CHUK: variants seen among roughly 807,000 people sequenced by gnomAD.
The protein encoded by CHUK is inhibitor of nuclear factor kappa-B kinase subunit alpha.
CHUK carries 35 observed loss-of-function variants against 104.8 expected under a neutral mutation model. The ratio of observed to expected loss-of-function variants is 0.33; its 90% CI spans 0.26 to 0.44. The LOEUF (loss-of-function observed/expected upper bound fraction) is 0.44, where lower values mean the gene tolerates loss of function less well. Among genes scored for constraint, CHUK ranks in the 20% least tolerant of loss-of-function variants. The probability of loss-of-function intolerance (pLI) is 1.00; values close to 1 mark genes in which losing one functional copy is unlikely to be tolerated. For synonymous variants in CHUK, 276 were observed against 291.9 expected (o/e 0.95, Z 0.56); for missense variants, 663 against 902.7 (o/e 0.73, Z 3.40).
At chr10:100,198,146 C>T (rs962717037) in intron 16 of CHUK, among the ~76,000 whole-genome samples, 6 of 152,230 alleles carry the variant, frequency 3.9e-5, no homozygotes, top group East Asian at 1.9e-4. Context: ...AATTATCTCA[C>T]GTATGCAAAT....
At chr10:100,191,038 T>A in intron 19 of CHUK, 70 bp from the exon 20 acceptor site, 1 of 931,912 alleles carries the variant, frequency 1.1e-6, no homozygotes, top group South Asian at 1.3e-5. Flanking sequence ...TACTTTCTAG[T>A]CTTCTAGGTT....
At chr10:100,212,130 G>A (rs1291488436) in intron 9 of CHUK, among the ~76,000 whole-genome samples, 3 of 152,108 alleles carry the variant, frequency 2.0e-5, no homozygotes, top group African/African-American at 7.2e-5. Flanking sequence ...TGATCCACCT[G>A]TCTCAACCTC....
intron 12 of CHUK, 21 bp downstream of exon 12, chr10:100,205,055 T>C (rs1238096882): frequency 6.2e-7 from 1 of 1,614,048 alleles, no homozygotes; most frequent in South Asian, 1.1e-5. Context: ...ATTGTGCTTA[T>C]AAACAACAGA....
At chr10:100,201,449 C>T (rs1845460238) in intron 14 of CHUK, among the ~76,000 whole-genome samples, 1 of 152,126 alleles carries the variant, frequency 6.6e-6, no homozygotes, top group Non-Finnish European at 1.5e-5. Flanking sequence ...CCCAGGTAAA[C>T]CAGGATGTGC....
At chr10:100,217,846 C>T in intron 9 of CHUK, 149 bp downstream of exon 9, 1 of 844,036 alleles carries the variant, frequency 1.2e-6, no homozygotes, top group Non-Finnish European at 1.9e-6. Flanking sequence ...CACTGCACTC[C>T]AGCCTAGGTG....
downstream of CHUK, chr10:100,187,114 C>G (rs1845047571): frequency 1.3e-5 from 2 of 152,362 alleles, no homozygotes; most frequent in African/African-American, 4.8e-5. Context: ...TGGTTCCTAA[C>G]AGGCCACTGT....
chr10:100,221,763 G>A (rs181789802), intron 4 of CHUK, among the ~76,000 whole-genome samples: 525 of 152,124 alleles, frequency 3.5e-3, no homozygotes, highest in Non-Finnish European at 5.4e-3. Flanking sequence ...TCAGCCTCCC[G>A]AGTAGCTGGG....
Position 100,229,511 on chromosome 10 carries a change from G to A in CHUK, c.22C>T (p.Arg8Trp). ...TCCCAGGGCCCGCCCGCGCCCGGCCGCAGCCCCGGGGGCCGCTCCATGGGG... is the reference window on the plus strand; with the variant it reads ...TCCCAGGGCCCGCCCGCGCCCGGCCACAGCCCCGGGGGCCGCTCCATGGGG... Reference protein sequence around the residue: MERPPGLRPGAGGPWEMR... With the variant: MERPPGLWPGAGGPWEMR... The change falls in exon 1 of 21, where the codon CGG becomes TGG. Residue 8 changes from arginine to tryptophan, a missense_variant. This residue lies in a region of CHUK where 44 missense variants were observed against 39.2 expected (regional missense o/e 1.12). Transcript: ENST00000370397. 1 of 1,558,198 alleles carries A rather than the reference G, an allele frequency of 6.4e-7. No individual in the cohort carries two copies. The highest frequency in any genetic ancestry group is 8.6e-7 in the Non-Finnish European group (1 of 1,156,542).
chr10:100,196,324 A>G, intron 16 of CHUK, among the ~76,000 whole-genome samples: 1 of 151,748 alleles, frequency 6.6e-6, no homozygotes, highest in East Asian at 1.9e-4. Context: ...TCAACAAAAA[A>G]TTAATATTAC....
intron 4 of CHUK, 85 bp from the exon 5 acceptor site, chr10:100,220,761 C>T (rs562086013): frequency 3.4e-5 from 28 of 814,694 alleles, no homozygotes; most frequent in Non-Finnish European, 1.0e-5. Flanking sequence ...TACAAATCTA[C>T]TCTGATGCTC....
intron 4 of CHUK, 79 bp from the exon 5 acceptor site, chr10:100,220,755 A>G: frequency 2.3e-6 from 2 of 861,010 alleles, no homozygotes; most frequent in Non-Finnish European, 1.9e-6. Context: ...ATTTTGTACA[A>G]ATCTACTCTG....
rs376240592 is a variant in CHUK at position 100,194,536 on chromosome 10, A to G, written c.1730-15T>C. The G allele has an allele frequency of 3.2e-6, 5 of 1,544,854 alleles. No homozygotes were observed. In the African/African-American group the frequency reaches 5.4e-5, roughly 17 times the overall value. On this transcript the variant is annotated splice_polypyrimidine_tract_variant and intron_variant, in intron 16 of 20. Transcript: ENST00000370397. ...GTAGGAGTGATCTATAAAAGACATC[A>G]GTCAGTGGATATAACCTTTCTTCTG...
At chr10:100,208,269 G>A (rs1423098162) in intron 10 of CHUK, among the ~76,000 whole-genome samples, 5 of 152,200 alleles carry the variant, frequency 3.3e-5, no homozygotes, top group East Asian at 3.9e-4. Flanking sequence ...ACCAAACCCC[G>A]CTAATTTTTG....
chr10:100,221,038 G>A (rs933670351), intron 4 of CHUK, among the ~76,000 whole-genome samples: 1 of 152,084 alleles, frequency 6.6e-6, no homozygotes, highest in Admixed American at 6.5e-5. Context: ...AAAATCTATG[G>A]GGAAACAAAT....
At chr10:100,223,369 G>A (rs575305218) in intron 2 of CHUK, among the ~76,000 whole-genome samples, 3 of 152,264 alleles carry the variant, frequency 2.0e-5, no homozygotes, top group East Asian at 3.9e-4. Context: ...TAGGCTGGGT[G>A]TAGTTGTAAC....
intron 2 of CHUK, among the ~76,000 whole-genome samples, chr10:100,224,433 A>G (rs946886576): frequency 6.6e-6 from 1 of 152,066 alleles, no homozygotes; most frequent in African/African-American, 2.4e-5. Flanking sequence ...ATGTTGGGGT[A>G]ATTTATTTTT....
intron 9 of CHUK, among the ~76,000 whole-genome samples, chr10:100,216,336 A>G (rs1483701457): frequency 6.6e-6 from 1 of 152,218 alleles, no homozygotes; most frequent in East Asian, 1.9e-4. Flanking sequence ...AGGAAACCAA[A>G]TCAAGAAGAA....
intron 16 of CHUK, among the ~76,000 whole-genome samples, chr10:100,196,139 C>G (rs1845320611): frequency 6.6e-6 from 1 of 152,150 alleles, no homozygotes; most frequent in Non-Finnish European, 1.5e-5. Flanking sequence ...ATTGGACTTG[C>G]TCTATTTGAA....
chr10:100,195,811 G>A (rs1845312795), intron 16 of CHUK: 1 of 152,202 alleles, frequency 6.6e-6, no homozygotes, highest in Non-Finnish European at 1.5e-5. Flanking sequence ...GAAGCTACCT[G>A]GGTAGCAGTT....
Sources: allele counts gnomAD v4.1 joint callset (sites outside exome capture counted in the v4.1 genomes callset), GRCh38; gene constraint gnomAD v4.1.1; regional missense constraint gnomAD v4.1.1; transcripts MANE v1.5; gene names NCBI Gene and HGNC (gene_info 2026-07-23, HGNC 2026-07-21).